The following ELL2 variants were observed in gnomAD, a reference collection of about 807,000 sequenced individuals.
The protein encoded by ELL2 is RNA polymerase II elongation factor ELL2.
ELL2 carries 21 observed loss-of-function variants against 72.8 expected under a neutral mutation model. The observed-to-expected ratio is 0.29, with a 90% CI of 0.20 to 0.42. The LOEUF is 0.42. ELL2 is among the 10% of genes least tolerant of loss of function. The pLI is 1.00. For synonymous variants in ELL2, 266 were observed against 283.2 expected (o/e 0.94, Z 0.61); for missense variants, 568 against 772.8 (o/e 0.73, Z 3.14).
intron 10 of ELL2, 94 bp from the exon 11 acceptor site, chr5:95,889,224 A>G (rs1390779238): frequency 1.0e-6 from 1 of 981,360 alleles, no homozygotes; most frequent in African/African-American, 1.6e-5. Flanking sequence ...AGTATAGGAA[A>G]TATTGACTGT....
chr5:95,895,524 A>T lies in ELL2; in HGVS notation c.1589+104T>A, dbSNP rs1045962947. 1.4e-4 allele frequency: 157 copies of T among 1,091,560 alleles called. 1 individual carries two copies. The Admixed American group carries it at 3.0e-3, about 21-fold the overall frequency. The allele number at this position is 1,091,560 out of a possible 1,614,324, so 67.6% of individuals were successfully genotyped here. On this transcript the variant is annotated intron_variant, in intron 9 of 11. Transcript: ENST00000237853. ...ATTGCAAGGGTGGCTCCAGGACTCTATTTCTGGAACTTCTTACTTTTCTGA... is the reference window on the plus strand; with the variant it reads ...ATTGCAAGGGTGGCTCCAGGACTCTTTTTCTGGAACTTCTTACTTTTCTGA...
chr5:95,914,214 TCTGATGGGC>T (rs1337034646), intron 3 of ELL2, among the ~76,000 whole-genome samples: 1 of 152,090 alleles, frequency 6.6e-6, no homozygotes, highest in African/African-American at 2.4e-5. Context: ...AGACCAGAGT[TCTGATGGGC>T]ATTGTAGTTG....
intron 1 of ELL2, among the ~76,000 whole-genome samples, chr5:95,954,676 G>A (rs189038755): frequency 1.6e-4 from 23 of 140,976 alleles, no homozygotes; most frequent in African/African-American, 4.7e-4. Flanking sequence ...TCCTGACCTC[G>A]TGATGCGCCC....
chr5:95,919,376 C>G (rs779069726), intron 3 of ELL2, 48 bp downstream of exon 3: 2 of 1,558,404 alleles, frequency 1.3e-6, no homozygotes, highest in South Asian at 1.2e-5. Flanking sequence ...CTAAAACCCT[C>G]TTAAATAAAA....
intron 3 of ELL2, among the ~76,000 whole-genome samples, chr5:95,919,120 A>T (rs919599575): frequency 1.2e-4 from 18 of 151,982 alleles, no homozygotes; most frequent in South Asian, 4.1e-4. Flanking sequence ...AAATATTTCT[A>T]AAAAAAATCC....
chr5:95,950,129 A>G, intron 1 of ELL2, among the ~76,000 whole-genome samples: 1 of 152,234 alleles, frequency 6.6e-6, no homozygotes, highest in East Asian at 1.9e-4. Context: ...CTATGGCAGA[A>G]GGAAAATACC....
chr5:95,901,801 G>T (rs1749153599), intron 5 of ELL2, among the ~76,000 whole-genome samples: 1 of 152,136 alleles, frequency 6.6e-6, no homozygotes, highest in Non-Finnish European at 1.5e-5. Context: ...ACTTAATAAT[G>T]GCCCAAGATG....
intron 2 of ELL2, among the ~76,000 whole-genome samples, chr5:95,927,583 A>G (rs1273004098): frequency 6.6e-5 from 2 of 30,166 alleles, no homozygotes; most frequent in Admixed American, 2.4e-4. Flanking sequence ...ATACACACAC[A>G]CGTGTGTATA....
At position 95,906,481 on chromosome 5, in the gene ELL2, C is replaced by A. The variant is rs181973300; in HGVS notation, c.741+42G>T. The A allele has an allele frequency of 1.5e-5, 23 of 1,521,300 alleles. No homozygotes were observed. In the East Asian group the frequency reaches 5.1e-4, roughly 34 times the overall value. 94.2% of individuals were successfully genotyped at this position (1,521,300 alleles called of 1,614,324 possible). A position where few individuals can be genotyped will look rare whatever the true frequency, so the allele number is the denominator to read the frequency against. Reference sequence around the variant, plus strand: ...AAGCTTTTTTAAATGAACATTTTAACAAGAAGGTAAGCAGGAAGGACCTCT... The same window carrying A: ...AAGCTTTTTTAAATGAACATTTTAAAAAGAAGGTAAGCAGGAAGGACCTCT... On this transcript the variant is annotated intron_variant, in intron 5 of 11. Coordinates refer to ENST00000237853, the MANE Select transcript of ELL2 (RefSeq NM_012081.6).
intron 9 of ELL2, among the ~76,000 whole-genome samples, chr5:95,892,752 G>C (rs924453676): frequency 6.6e-6 from 1 of 152,152 alleles, no homozygotes; most frequent in African/African-American, 2.4e-5. Flanking sequence ...GAAAATGTGA[G>C]AAAAGTGATG....
At chr5:95,907,791 G>A (rs1749433794) in intron 4 of ELL2, among the ~76,000 whole-genome samples, 1 of 152,212 alleles carries the variant, frequency 6.6e-6, no homozygotes, top group South Asian at 2.1e-4. Context: ...AATGACATAC[G>A]ATGTGGACAA....
At chr5:95,958,683 C>A (rs192308211) in intron 1 of ELL2, among the ~76,000 whole-genome samples, 1 of 152,160 alleles carries the variant, frequency 6.6e-6, no homozygotes, top group Non-Finnish European at 1.5e-5. Context: ...GTTTCTACCA[C>A]CAGTTTTGCA....
At chr5:95,935,488 G>A (rs1750742016) in intron 2 of ELL2, among the ~76,000 whole-genome samples, 1 of 152,066 alleles carries the variant, frequency 6.6e-6, no homozygotes, top group African/African-American at 2.4e-5. Context: ...TTTAAATAGG[G>A]CTTCACATCA....
intron 2 of ELL2, among the ~76,000 whole-genome samples, chr5:95,942,628 A>T (rs1276808175): frequency 1.3e-5 from 2 of 152,218 alleles, no homozygotes; most frequent in African/African-American, 4.8e-5. Context: ...AATTTTGTTA[A>T]TAGTAAAAGC....
chr5:95,898,505 A>G lies in ELL2; in HGVS notation c.1260T>C (p.Ser420=), dbSNP rs534114256. The G allele has an allele frequency of 6.2e-7, 1 of 1,614,150 alleles. No homozygotes were observed. The highest frequency in any genetic ancestry group is 1.1e-5 in the South Asian group (1 of 91,078). The stretch of plus-strand genomic sequence containing the variant: ...ATTTGTCTTGCTGGTCCTCATAGAT[A>G]CTATCGTTTTGACTAAAACTGTCAA... ...LPVDSFSQND[S]IYEDQQDKYT... is the part of the protein sequence containing the mutation. Residue 420 remains serine (S), a synonymous_variant, in exon 8 of 12, where the codon AGT becomes AGC. Coordinates refer to ENST00000237853, the MANE Select transcript of ELL2 (RefSeq NM_012081.6).
chr5:95,904,283 A>G (rs1248735720), intron 5 of ELL2, among the ~76,000 whole-genome samples: 2 of 152,256 alleles, frequency 1.3e-5, no homozygotes, highest in Non-Finnish European at 2.9e-5. Context: ...TAGGTACTTA[A>G]TAAGTTGAAT....
At position 95,927,403 on chromosome 5, in the gene ELL2, ACACACG is replaced by A. The variant is rs1750344589; in HGVS notation, c.196-7864_196-7859del. Among the ~76,000 whole-genome samples the A allele has an allele frequency of 3.6e-5, 2 of 55,506 alleles. 1 individual carries two copies. Among genetic ancestry groups the A allele is most frequent in the Admixed American group, 2.8e-4 (2 of 7,190 alleles). 36.4% of individuals were successfully genotyped at this position (55,506 alleles called of 152,430 possible). A position where few individuals can be genotyped will look rare whatever the true frequency, so the allele number is the denominator to read the frequency against. On this transcript the variant is annotated intron_variant, in intron 2 of 11. Coordinates refer to ENST00000237853, the MANE Select transcript of ELL2 (RefSeq NM_012081.6). Reference sequence around the variant, plus strand: ...CACACGTGTGTATATATAGACATACACACACGTGTGTATATAGACATACACACACAC... The same window carrying A: ...CACACGTGTGTATATATAGACATACATGTGTATATAGACATACACACACAC...
chr5:95,907,296 A>ATATTTTTT, intron 4 of ELL2, among the ~76,000 whole-genome samples: 4 of 116,520 alleles, frequency 3.4e-5, no homozygotes, highest in African/African-American at 1.6e-4. Flanking sequence ...ATATATATAT[A>ATATTTTTT]TTTTTTTTTT....
chr5:95,899,984 G>C (rs1261601281), intron 7 of ELL2, among the ~76,000 whole-genome samples: 5 of 152,056 alleles, frequency 3.3e-5, no homozygotes, highest in African/African-American at 9.7e-5. Context: ...TAATTCTTGG[G>C]AGTAAGGTCC....
Sources: gnomAD v4.1 joint callset for allele counts (sites outside exome capture counted in the v4.1 genomes callset) on GRCh38, gnomAD v4.1.1 for gene constraint, MANE v1.5 for transcripts, NCBI Gene and HGNC (gene_info 2026-07-23, HGNC 2026-07-21) for gene names.